FGF12: variants seen among roughly 807,000 people sequenced by gnomAD.
FGF12 encodes fibroblast growth factor 12.
FGF12 carries 14 observed loss-of-function variants against 23.6 expected under a neutral mutation model. The observed-to-expected ratio is 0.59, with a 90% CI of 0.39 to 0.93. The LOEUF is 0.93. Ranked by LOEUF, FGF12 falls within the 40% of genes least tolerant of loss-of-function variation. The probability of loss-of-function intolerance (pLI) is 0.00; values close to 1 mark genes in which losing one functional copy is unlikely to be tolerated. For missense variants in FGF12, 175 were observed against 217.8 expected (o/e 0.80, Z 1.24); for synonymous variants, 62 against 77.3 (o/e 0.80, Z 1.04).
Position 192,514,308 on chromosome 3 carries a change from CTG to C in FGF12, c.14-153772_14-153771del, listed in dbSNP as rs1724588130. ...ACGCACGAGCAACTTTTCGGAGACA[CTG>C]AACAACTCCAAGTCGCGCGCCGCCC... is the stretch of plus-strand genomic sequence containing the variant. On this transcript the variant is annotated intron_variant, in intron 2 of 5. Transcript: ENST00000445105. The surrounding 1 kb of genome is among the most constrained non-coding windows in gnomAD (Gnocchi z 4.9). Among the ~76,000 whole-genome samples, 1 of 152,248 alleles carries C rather than the reference CTG, an allele frequency of 6.6e-6. No individual in the cohort carries two copies. The highest frequency in any genetic ancestry group is 1.5e-5 in the Non-Finnish European group (1 of 68,040).
At chr3:192,401,672 CT>C (rs1211963062) in intron 2 of FGF12, among the ~76,000 whole-genome samples, 3 of 152,180 alleles carry the variant, frequency 2.0e-5, no homozygotes, top group Non-Finnish European at 2.9e-5. Flanking sequence ...CCCCATACTG[CT>C]GATCTTTCTT....
chr3:192,392,606 G>T, intron 2 of FGF12, among the ~76,000 whole-genome samples: 1 of 110,282 alleles, frequency 9.1e-6, no homozygotes, highest in Non-Finnish European at 1.9e-5. Flanking sequence ...GAGAGAGAGA[G>T]AGAGAGAGAG....
intron 4 of FGF12, among the ~76,000 whole-genome samples, chr3:192,316,230 G>C (rs80176420): frequency 0.077 from 11,650 of 152,106 alleles, 581 homozygotes; most frequent in South Asian, 0.17. Context: ...TCCAGCAGCT[G>C]TCCTCCCTCT....
chr3:192,564,242 T>C (rs1712179756), intron 2 of FGF12, among the ~76,000 whole-genome samples: 1 of 152,122 alleles, frequency 6.6e-6, no homozygotes, highest in African/African-American at 2.4e-5. Context: ...TTGTGTATTT[T>C]TAGTAGAGAC....
chr3:192,622,180 G>T (rs1456537276), intron 2 of FGF12, among the ~76,000 whole-genome samples: 3 of 152,114 alleles, frequency 2.0e-5, no homozygotes, highest in Admixed American at 2.0e-4. Flanking sequence ...CAGCCCAAGG[G>T]TATCAAGCAA....
chr3:192,201,617 C>G (rs895918000), intron 4 of FGF12, among the ~76,000 whole-genome samples: 30 of 152,246 alleles, frequency 2.0e-4, no homozygotes, highest in African/African-American at 7.2e-4. Flanking sequence ...ATTCATCCCT[C>G]TCTGTATACC....
chr3:192,526,087 T>C (rs947079084), intron 2 of FGF12, among the ~76,000 whole-genome samples: 2 of 152,218 alleles, frequency 1.3e-5, no homozygotes, highest in African/African-American at 2.4e-5. Flanking sequence ...CACACTTCCA[T>C]GTTCATGTCT....
chr3:192,442,008 G>C (rs1722215260), intron 2 of FGF12, among the ~76,000 whole-genome samples: 1 of 152,120 alleles, frequency 6.6e-6, no homozygotes, highest in African/African-American at 2.4e-5. Flanking sequence ...ATACATTTTA[G>C]AAGCCTAATT....
intron 2 of FGF12, among the ~76,000 whole-genome samples, chr3:192,619,748 C>T (rs929755397): frequency 6.6e-6 from 1 of 152,166 alleles, no homozygotes; most frequent in African/African-American, 2.4e-5. Flanking sequence ...ACGTATTTGG[C>T]CATAAATTCT....
At chr3:192,694,994 A>G (rs150377662) in intron 2 of FGF12, among the ~76,000 whole-genome samples, 135 of 152,118 alleles carry the variant, frequency 8.9e-4, no homozygotes, top group South Asian at 7.1e-3. Flanking sequence ...TATACTAAAA[A>G]TTTGCTAGGG....
chr3:192,500,519 G>C (rs1289612114), intron 2 of FGF12, among the ~76,000 whole-genome samples: 1 of 152,166 alleles, frequency 6.6e-6, no homozygotes, highest in African/African-American at 2.4e-5. Flanking sequence ...CCAGTCCGCT[G>C]TGCAACAGCC....
intron 2 of FGF12, among the ~76,000 whole-genome samples, chr3:192,629,155 A>T (rs1356328737): frequency 6.6e-6 from 1 of 152,252 alleles, no homozygotes; most frequent in East Asian, 1.9e-4. Context: ...CTTCTGAAAG[A>T]CAAAGAATTA....
chr3:192,630,247 A>G (rs56318052), intron 2 of FGF12, among the ~76,000 whole-genome samples: 41,948 of 152,054 alleles, frequency 0.28, 6,249 homozygotes, highest in African/African-American at 0.39. Context: ...GCAGATGCCA[A>G]CATCGTGCTT....
intron 2 of FGF12, among the ~76,000 whole-genome samples, chr3:192,648,472 G>T (rs1716093453): frequency 8.1e-6 from 1 of 123,480 alleles, no homozygotes; most frequent in East Asian, 2.6e-4. Context: ...CAGGAACAAA[G>T]ACTATTTAGA....
At chr3:192,626,077 T>C (rs1411274937) in intron 2 of FGF12, among the ~76,000 whole-genome samples, 1 of 152,190 alleles carries the variant, frequency 6.6e-6, no homozygotes, top group East Asian at 1.9e-4. Context: ...TACAAAATTT[T>C]CTCACGGCTG....
At chr3:192,460,527 C>T (rs1348694622) in intron 2 of FGF12, among the ~76,000 whole-genome samples, 1 of 151,964 alleles carries the variant, frequency 6.6e-6, no homozygotes, top group East Asian at 1.9e-4. Flanking sequence ...TTTAAACCCG[C>T]AAGCAGAGTA....
chr3:192,727,052 A>G, intron 2 of FGF12, 129 bp downstream of exon 2: 2 of 1,161,674 alleles, frequency 1.7e-6, no homozygotes, highest in Non-Finnish European at 2.5e-6. Context: ...GCTGCAATGG[A>G]CATAGCATCT....
chr3:192,588,349 CAAAAAA>C (rs1201739223), intron 2 of FGF12, among the ~76,000 whole-genome samples: 1 of 66,984 alleles, frequency 1.5e-5, no homozygotes, highest in African/African-American at 5.7e-5. Context: ...CAATCCGTCT[CAAAAAA>C]AAAAAAAAAA....
chr3:192,719,676 A>G (rs903233211), intron 2 of FGF12, among the ~76,000 whole-genome samples: 1 of 151,828 alleles, frequency 6.6e-6, no homozygotes, highest in African/African-American at 2.4e-5. Context: ...CTAATTTTAA[A>G]TTTTCCAGAT....
Sources: allele counts gnomAD v4.1 joint callset (sites outside exome capture counted in the v4.1 genomes callset), GRCh38; gene constraint gnomAD v4.1.1; non-coding constraint Gnocchi (gnomAD v3.1); transcripts MANE v1.5; gene names NCBI Gene and HGNC (gene_info 2026-07-23, HGNC 2026-07-21).